Variants in NUAK1 observed in about 807,000 individuals in gnomAD.
NUAK1 encodes the protein NUAK family SNF1-like kinase 1.
NUAK1 carries 26 observed loss-of-function variants against 56.9 expected under a neutral mutation model. That is an observed-to-expected ratio of 0.46 (90% confidence interval 0.33 to 0.63). The LOEUF is 0.63. Among genes scored for constraint, NUAK1 ranks in the 30% least tolerant of loss-of-function variants. The pLI is 0.02. For missense variants in NUAK1, 727 were observed against 876.1 expected (o/e 0.83, Z 2.15); for synonymous variants, 337 against 336.0 (o/e 1.00, Z -0.03).
At chr12:106,074,723 G>A (rs960229774) in intron 4 of NUAK1, among the ~76,000 whole-genome samples, 12 of 152,116 alleles carry the variant, frequency 7.9e-5, no homozygotes, top group African/African-American at 1.7e-4. Flanking sequence ...GAATACCACC[G>A]AGGCTCTGTG....
intron 1 of NUAK1, among the ~76,000 whole-genome samples, chr12:106,108,651 A>G (rs888000490): frequency 2.0e-5 from 3 of 152,184 alleles, no homozygotes; most frequent in Admixed American, 6.5e-5. Context: ...CAACTCCTAC[A>G]TTCCTCCATA....
Position 106,067,832 on chromosome 12 carries a change from G to T in NUAK1, c.956C>A (p.Ala319Asp), listed in dbSNP as rs764516584. 1 of 1,614,218 alleles carries T rather than the reference G, an allele frequency of 6.2e-7. No individual in the cohort carries two copies. Residue 319 changes from alanine to aspartate, a missense_variant, in exon 7 of 7, where the codon GCC (alanine) becomes GAC (aspartate). By Grantham distance (126) the Ala-to-Asp change is moderately radical (BLOSUM62 -2). Transcript: ENST00000261402. This position sits in a 1 kb window ranked among gnomAD's most constrained non-coding sequence, Gnocchi z 6.0. ...GAGTGGGGACTCAGAGTCATGGAGG[G>T]CATCACAGTCACACACGCTGCTCTT... ...GYKSSVCDCDALHDSESPLLA... is the reference protein window; with the variant it reads ...GYKSSVCDCDDLHDSESPLLA...
At chr12:106,086,372 A>G (rs1229859508) in intron 3 of NUAK1, among the ~76,000 whole-genome samples, 1 of 152,214 alleles carries the variant, frequency 6.6e-6, no homozygotes, top group Non-Finnish European at 1.5e-5. Context: ...CATTTTGACA[A>G]ATGTACCACA....
intron 2 of NUAK1, among the ~76,000 whole-genome samples, chr12:106,088,864 T>A (rs2032603004): frequency 6.6e-6 from 1 of 152,234 alleles, no homozygotes; most frequent in Non-Finnish European, 1.5e-5. Flanking sequence ...TGTTGCTGGC[T>A]GCTAGAAGCT....
In NUAK1 at chr12:106,066,584, A is replaced by T; in HGVS notation, c.*218T>A. On this transcript the variant is annotated 3_prime_UTR_variant, in exon 7 of 7. Coordinates refer to ENST00000261402, the MANE Select transcript of NUAK1 (RefSeq NM_014840.3). ...AGGTGCCATAAAGCAAATGCCAAAC[A>T]GGGCCCAAATTCTGACTGACAATTG... 1.7e-6 allele frequency: 1 copy of T among 582,712 alleles called. No homozygotes were observed. Among genetic ancestry groups the T allele is most frequent in the Non-Finnish European group, 3.1e-6 (1 of 327,410 alleles). The allele number at this position is 582,712 out of a possible 1,614,324, so 36.1% of individuals were successfully genotyped here.
intron 3 of NUAK1, among the ~76,000 whole-genome samples, chr12:106,084,518 A>C (rs1250084929): frequency 6.6e-6 from 1 of 152,232 alleles, no homozygotes; most frequent in Non-Finnish European, 1.5e-5. Context: ...GGGCTGGGTG[A>C]AAGATGAAGC....
At chr12:106,117,837 GC>G (rs2032933537) in intron 1 of NUAK1, among the ~76,000 whole-genome samples, 1 of 152,160 alleles carries the variant, frequency 6.6e-6, no homozygotes, top group Non-Finnish European at 1.5e-5. Flanking sequence ...CATTGTCAAT[GC>G]CCCAGACATA....
At chr12:106,124,820 TGCCCC>T (rs1285479922) in intron 1 of NUAK1, among the ~76,000 whole-genome samples, 4 of 151,780 alleles carry the variant, frequency 2.6e-5, no homozygotes, top group African/African-American at 7.3e-5. Flanking sequence ...GACCAGCCTG[TGCCCC>T]GTCTCTACTA....
chr12:106,128,025 T>C (rs936678627), intron 1 of NUAK1, among the ~76,000 whole-genome samples: 20 of 152,148 alleles, frequency 1.3e-4, no homozygotes, highest in Non-Finnish European at 2.1e-4. Context: ...GCAACTCCCA[T>C]TTCACAGACG....
intron 2 of NUAK1, among the ~76,000 whole-genome samples, chr12:106,100,798 T>C (rs2032739914): frequency 6.6e-6 from 1 of 152,236 alleles, no homozygotes; most frequent in Non-Finnish European, 1.5e-5. Flanking sequence ...CATTGCATTG[T>C]CATGTTGCTA....
rs374094909 is a variant in NUAK1 at position 106,103,568 on chromosome 12, C to A, written c.361+2837G>T. Among the ~76,000 whole-genome samples the A allele has an allele frequency of 5.9e-5, 9 of 152,292 alleles. No individual in the cohort carries two copies. In the East Asian group the frequency reaches 7.7e-4, roughly 13 times the overall value. ...CCCCTATCAAAAAATTCCTTCAAGA[C>A]CCAGCCCAAATGCCATACATCTCCA... On this transcript the variant is annotated intron_variant, in intron 2 of 6. Transcript: ENST00000261402.
chr12:106,068,591 A>ATCT (rs1166959248), intron 6 of NUAK1, among the ~76,000 whole-genome samples: 1 of 152,250 alleles, frequency 6.6e-6, no homozygotes, highest in Admixed American at 6.5e-5. Flanking sequence ...GACATAAGCC[A>ATCT]TCTTCTACTG....
At position 106,138,263 on chromosome 12, in the gene NUAK1, G is replaced by T; in HGVS notation, c.240+151C>A. ...CACGCCTGAGTCACGGGGTGCTGGAGAAAGAGTGAGGAGTCTGTCTCGGGG... is the reference window on the plus strand; with the variant it reads ...CACGCCTGAGTCACGGGGTGCTGGATAAAGAGTGAGGAGTCTGTCTCGGGG... On this transcript the variant is annotated intron_variant, in intron 1 of 6. Coordinates refer to ENST00000261402, the MANE Select transcript of NUAK1 (RefSeq NM_014840.3). This position sits in a 1 kb window ranked among gnomAD's most constrained non-coding sequence, Gnocchi z 5.0. 1.9e-6 allele frequency: 2 copies of T among 1,029,396 alleles called. No individual in the cohort carries two copies. The highest frequency in any genetic ancestry group is 2.7e-6 in the Non-Finnish European group (2 of 733,884). The allele number at this position is 1,029,396 out of a possible 1,614,324, so 63.8% of individuals were successfully genotyped here.
rs536890764 is a variant in NUAK1, at chr12:106,073,862, A to T, written c.580-1019T>A. On this transcript the variant is annotated intron_variant, in intron 4 of 6. Transcript: ENST00000261402. ...CACCGTGAGTGTAACAGTGGTTCAT[A>T]ACCTTCAAGTTTGATGCAAATGTTT... Among the ~76,000 whole-genome samples, 18 of 152,196 alleles carry T rather than the reference A, an allele frequency of 1.2e-4. No homozygotes were observed. In the South Asian group the frequency reaches 3.7e-3, roughly 32 times the overall value.
chr12:106,112,623 G>A (rs2032873523), intron 1 of NUAK1, among the ~76,000 whole-genome samples: 1 of 152,324 alleles, frequency 6.6e-6, no homozygotes, highest in Non-Finnish European at 1.5e-5. Flanking sequence ...TTGCTGTGAT[G>A]CAACGGGCCC....
intron 1 of NUAK1, among the ~76,000 whole-genome samples, chr12:106,129,709 G>A (rs995630571): frequency 6.6e-6 from 1 of 152,162 alleles, no homozygotes; most frequent in African/African-American, 2.4e-5. Flanking sequence ...CCCTGAAACA[G>A]TAATATTACC....
chr12:106,134,133 A>G (rs2033106332), intron 1 of NUAK1, among the ~76,000 whole-genome samples: 1 of 152,230 alleles, frequency 6.6e-6, no homozygotes. Flanking sequence ...TGCAACCTCA[A>G]CAAAGTCACT....
At position 106,106,382 on chromosome 12, in the gene NUAK1, TAAAA is replaced by T; in HGVS notation, c.361+19_361+22del. Reference sequence around the variant, plus strand: ...GAGAAATGGTAACTGATATGGGGGTTAAAAAAAAAAAAAATCACTGACCTTCATA... The same window carrying T: ...GAGAAATGGTAACTGATATGGGGGTTAAAAAAAAAATCACTGACCTTCATA... On this transcript the variant is annotated intron_variant, in intron 2 of 6. Transcript: ENST00000261402. 3 of 808,072 alleles carry T rather than the reference TAAAA, an allele frequency of 3.7e-6. No homozygotes were observed. The highest frequency in any genetic ancestry group is 4.8e-6 in the Non-Finnish European group (3 of 630,940). 50.1% of individuals were successfully genotyped at this position (808,072 alleles called of 1,614,324 possible). A position where few individuals can be genotyped will look rare whatever the true frequency, so the allele number is the denominator to read the frequency against.
In NUAK1 at chr12:106,067,035, A is replaced by G; in HGVS notation, c.1753T>C (p.Leu585=). 6.2e-7 allele frequency: 1 copy of G among 1,614,248 alleles called. No individual in the cohort carries two copies. Among genetic ancestry groups the G allele is most frequent in the Non-Finnish European group, 8.5e-7 (1 of 1,180,048 alleles). The part of the protein sequence containing the change: ...DSVLSSDSFD[L]LDLQENRPAR... ...GGGCGATTCTCCTGCAAATCCAGCA[A>G]GTCAAAAGAGTCGCTGGACAGCACG... Residue 585 remains leucine, a synonymous_variant, in exon 7 of 7, where the codon TTG becomes CTG. Coordinates refer to ENST00000261402, the MANE Select transcript of NUAK1 (RefSeq NM_014840.3). The surrounding 1 kb of genome is among the most constrained non-coding windows in gnomAD (Gnocchi z 6.0).
Sources: gnomAD v4.1 joint callset for allele counts (sites outside exome capture counted in the v4.1 genomes callset) on GRCh38, gnomAD v4.1.1 for gene constraint, Gnocchi (gnomAD v3.1) non-coding constraint, MANE v1.5 for transcripts, NCBI Gene and HGNC (gene_info 2026-07-23, HGNC 2026-07-21) for gene names.